BANP: variants seen among roughly 807,000 people sequenced by gnomAD.
BANP encodes the protein protein BANP.
A neutral mutation model predicts 68.1 loss-of-function variants in BANP; 11 were observed. That is an observed-to-expected ratio of 0.16 (90% CI 0.10 to 0.27). The LOEUF is 0.27. BANP is among the 10% of genes least tolerant of loss of function. The probability of loss-of-function intolerance (pLI) is 1.00; values close to 1 mark genes in which losing one functional copy is unlikely to be tolerated. For synonymous variants in BANP, 329 were observed against 303.2 expected (o/e 1.09, Z -0.88); for missense variants, 504 against 722.7 (o/e 0.70, Z 3.47).
At chr16:88,015,548 C>G (rs2074344614) in intron 6 of BANP, among the ~76,000 whole-genome samples, 1 of 152,232 alleles carries the variant, frequency 6.6e-6, no homozygotes, top group African/African-American at 2.4e-5. Flanking sequence ...GCTCCCCGCT[C>G]TGGAATGTTC....
At chr16:87,996,733 C>A (rs1296725930) in intron 4 of BANP, among the ~76,000 whole-genome samples, 1 of 152,262 alleles carries the variant, frequency 6.6e-6, no homozygotes, top group African/African-American at 2.4e-5. Context: ...TCCCGTCCTT[C>A]CCTCCTCCCT....
chr16:88,039,242 C>G (rs1265940683), intron 11 of BANP, among the ~76,000 whole-genome samples: 4 of 151,782 alleles, frequency 2.6e-5, no homozygotes, highest in Non-Finnish European at 4.4e-5. Flanking sequence ...AATTGCTGCT[C>G]TGGAAAAGAG....
intron 11 of BANP, among the ~76,000 whole-genome samples, chr16:88,041,677 G>A (rs1403353955): frequency 2.5e-5 from 2 of 81,460 alleles, no homozygotes; most frequent in African/African-American, 1.0e-4. Flanking sequence ...TGTAGCCCAC[G>A]ACACCCGCAT....
At chr16:88,013,476 C>T (rs1270458853) in intron 6 of BANP, among the ~76,000 whole-genome samples, 25 of 146,110 alleles carry the variant, frequency 1.7e-4, no homozygotes, top group Non-Finnish European at 2.4e-4. Flanking sequence ...GAGGTGGGCC[C>T]GCCCCATGCC....
At chr16:88,067,805 A>G (rs1431069549) in intron 12 of BANP, among the ~76,000 whole-genome samples, 4 of 151,732 alleles carry the variant, frequency 2.6e-5, no homozygotes, top group African/African-American at 9.7e-5. Flanking sequence ...TCTCCACTCA[A>G]CCTGTCAATC....
At chr16:88,039,239 G>C (rs2080160928) in intron 11 of BANP, among the ~76,000 whole-genome samples, 1 of 151,830 alleles carries the variant, frequency 6.6e-6, no homozygotes, top group Admixed American at 6.6e-5. Context: ...ATGAATTGCT[G>C]CTCTGGAAAA....
At chr16:88,031,455 C>T (rs572667702) in intron 8 of BANP, among the ~76,000 whole-genome samples, 1 of 151,964 alleles carries the variant, frequency 6.6e-6, no homozygotes, top group Non-Finnish European at 1.5e-5. Flanking sequence ...ACCAGCCTGG[C>T]CAACCTGGTG....
At chr16:88,012,322 A>G (rs2073366986) in intron 6 of BANP, among the ~76,000 whole-genome samples, 1 of 152,238 alleles carries the variant, frequency 6.6e-6, no homozygotes, top group Non-Finnish European at 1.5e-5. Context: ...ATTCATAAAC[A>G]GCTTGAGTAA....
chr16:88,045,367 G>C (rs74040278), intron 11 of BANP, among the ~76,000 whole-genome samples: 1 of 152,322 alleles, frequency 6.6e-6, no homozygotes, highest in African/African-American at 2.4e-5. Context: ...CGAGTTGTCC[G>C]TGCGTGCACT....
chr16:88,052,407 G>A (rs914863802), intron 11 of BANP, among the ~76,000 whole-genome samples: 2 of 150,984 alleles, frequency 1.3e-5, no homozygotes, highest in East Asian at 3.9e-4. Context: ...TGGTGACTAG[G>A]TTGAGTGCTA....
intron 7 of BANP, among the ~76,000 whole-genome samples, chr16:88,025,955 C>G (rs1567794349): frequency 6.6e-6 from 1 of 152,238 alleles, no homozygotes. Context: ...CCCTTCCCAT[C>G]ATGCCCACAT....
At chr16:87,998,730 G>A (rs181028056) in intron 4 of BANP, among the ~76,000 whole-genome samples, 13 of 145,988 alleles carry the variant, frequency 8.9e-5, no homozygotes, top group East Asian at 4.1e-4. Flanking sequence ...ACGCACGTGC[G>A]CGGCTGTACT....
At chr16:87,995,644 G>C (rs904731093) in intron 4 of BANP, among the ~76,000 whole-genome samples, 2 of 152,230 alleles carry the variant, frequency 1.3e-5, no homozygotes, top group Non-Finnish European at 2.9e-5. Context: ...ACGTGGTGAG[G>C]CTGCACTCTG....
intron 11 of BANP, among the ~76,000 whole-genome samples, chr16:88,049,787 C>T (rs535509301): frequency 1.3e-5 from 2 of 152,092 alleles, no homozygotes; most frequent in Admixed American, 6.5e-5. Flanking sequence ...TGTGGCCACA[C>T]GCTCAGTGAC....
chr16:88,017,663 A>T lies in BANP; in HGVS notation c.656-765A>T, dbSNP rs149160318. Among the ~76,000 whole-genome samples, 24 of 152,274 alleles carry T rather than the reference A, an allele frequency of 1.6e-4. No homozygotes were observed. In the East Asian group the frequency reaches 4.6e-3, roughly 29 times the overall value. ...GGCTGGCGGGCGTCACTGCCTGGGC[A>T]GGCAGGTGGGAAGTCCCACTCCATC... On this transcript the variant is annotated intron_variant, in intron 6 of 13. Transcript: ENST00000682872.
intron 12 of BANP, among the ~76,000 whole-genome samples, chr16:88,070,782 C>T (rs188247485): frequency 6.6e-6 from 1 of 152,278 alleles, no homozygotes; most frequent in East Asian, 1.9e-4. Context: ...CATTAAAAAT[C>T]ATTTAAAAGC....
chr16:87,970,080 G>GT (rs1296017359), intron 1 of BANP: 2 of 152,104 alleles, frequency 1.3e-5, no homozygotes, highest in African/African-American at 4.8e-5. Context: ...GCTAATTTTC[G>GT]TATTTTTAGT....
At chr16:87,965,715 C>G (rs534770839) in intron 1 of BANP, among the ~76,000 whole-genome samples, 2 of 152,252 alleles carry the variant, frequency 1.3e-5, no homozygotes, top group African/African-American at 4.8e-5. Flanking sequence ...GGTCCCCATG[C>G]CTTGGTGGCT....
chr16:88,010,891 C>T (rs2072912109), intron 6 of BANP, among the ~76,000 whole-genome samples: 1 of 59,806 alleles, frequency 1.7e-5, no homozygotes, highest in Admixed American at 2.0e-4. Context: ...CACGGAATGC[C>T]ATTCGTGCAC....
Sources: gnomAD v4.1 joint callset for allele counts (sites outside exome capture counted in the v4.1 genomes callset) on GRCh38, gnomAD v4.1.1 for gene constraint, MANE v1.5 for transcripts, NCBI Gene and HGNC (gene_info 2026-07-23, HGNC 2026-07-21) for gene names.